TMEFF2: variants seen among roughly 807,000 people sequenced by gnomAD.
TMEFF2 encodes tomoregulin-2.
In TMEFF2, 28 loss-of-function variants were observed where a neutral mutation model predicts 53.8. The ratio of observed to expected loss-of-function variants is 0.52; its 90% confidence interval spans 0.39 to 0.71. The LOEUF (loss-of-function observed/expected upper bound fraction) is 0.71, where lower values mean the gene tolerates loss of function less well. Ranked by LOEUF, TMEFF2 falls within the 30% of genes least tolerant of loss-of-function variation. TMEFF2 has a pLI of 0.00. For synonymous variants in TMEFF2, 162 were observed against 166.3 expected (o/e 0.97, Z 0.20); for missense variants, 353 against 455.2 (o/e 0.78, Z 2.04).
intron 4 of TMEFF2, among the ~76,000 whole-genome samples, chr2:192,062,615 A>T (rs4321323): frequency 6.6e-6 from 1 of 152,072 alleles, no homozygotes; most frequent in Non-Finnish European, 1.5e-5. Context: ...TGTTTAATAT[A>T]TTTTGGGTAC....
intron 4 of TMEFF2, among the ~76,000 whole-genome samples, chr2:192,070,262 G>A (rs903804251): frequency 6.6e-5 from 10 of 151,560 alleles, no homozygotes; most frequent in African/African-American, 2.4e-4. Context: ...CATTTTAAAT[G>A]TCAAAGGATC....
At chr2:191,986,628 C>T (rs567788563) in intron 7 of TMEFF2, among the ~76,000 whole-genome samples, 140 of 148,986 alleles carry the variant, frequency 9.4e-4, no homozygotes, top group African/African-American at 3.4e-3. Flanking sequence ...GGGAGGCCAA[C>T]GTGGGCAGAT....
intron 4 of TMEFF2, among the ~76,000 whole-genome samples, chr2:192,162,929 A>G (rs1268538219): frequency 6.6e-6 from 1 of 152,208 alleles, no homozygotes; most frequent in Non-Finnish European, 1.5e-5. Flanking sequence ...CCTTATTGAT[A>G]TTCAGACATC....
chr2:192,101,077 G>A (rs755762171), intron 4 of TMEFF2, among the ~76,000 whole-genome samples: 1 of 152,058 alleles, frequency 6.6e-6, no homozygotes, highest in Non-Finnish European at 1.5e-5. Flanking sequence ...ATTGCAAACT[G>A]GATTTCCATA....
At chr2:192,041,723 A>G (rs892951890) in intron 5 of TMEFF2, among the ~76,000 whole-genome samples, 5 of 152,236 alleles carry the variant, frequency 3.3e-5, no homozygotes, top group Non-Finnish European at 7.3e-5. Flanking sequence ...ATGTTCCTCA[A>G]CTGATGAACA....
intron 4 of TMEFF2, among the ~76,000 whole-genome samples, chr2:192,130,600 C>A (rs558526178): frequency 6.6e-6 from 1 of 152,128 alleles, no homozygotes; most frequent in East Asian, 1.9e-4. Context: ...GAAGCTCCCC[C>A]ACTGAGCACC....
intron 2 of TMEFF2, 75 bp downstream of exon 2, chr2:192,191,805 G>T: frequency 9.3e-7 from 1 of 1,072,358 alleles, no homozygotes; most frequent in Non-Finnish European, 1.4e-6. Context: ...ATTTCCAAGT[G>T]ATAGGCTGTA....
chr2:192,187,098 T>A (rs1691333295), intron 2 of TMEFF2, among the ~76,000 whole-genome samples: 1 of 152,132 alleles, frequency 6.6e-6, no homozygotes, highest in Non-Finnish European at 1.5e-5. Context: ...CACTTATTAA[T>A]ATGAAGAACA....
chr2:192,194,556 G>C lies in TMEFF2; in HGVS notation c.-32C>G, dbSNP rs77458552. 2 of 1,600,648 alleles carry C rather than the reference G, an allele frequency of 1.2e-6. No individual in the cohort carries two copies. The highest frequency in any genetic ancestry group is 1.7e-6 in the Non-Finnish European group (2 of 1,171,412). On this transcript the variant is annotated 5_prime_UTR_variant, in exon 1 of 10. Coordinates refer to ENST00000272771, the MANE Select transcript of TMEFF2 (RefSeq NM_016192.4). This position sits in a 1 kb window ranked among gnomAD's most constrained non-coding sequence, Gnocchi z 4.2. Reference sequence around the variant, plus strand: ...TTCGTGCAACTCTGCAGCAGCAAACGGCTTCCGAGGAACACAGGATCGCGG... The same window carrying C: ...TTCGTGCAACTCTGCAGCAGCAAACCGCTTCCGAGGAACACAGGATCGCGG...
intron 5 of TMEFF2, chr2:192,035,209 T>C (rs1163634481): frequency 6.6e-6 from 1 of 152,146 alleles, no homozygotes; most frequent in Non-Finnish European, 1.5e-5. Context: ...CACCCAGGGA[T>C]CCTGGATGAC....
intron 4 of TMEFF2, among the ~76,000 whole-genome samples, chr2:192,093,497 A>G (rs1688837440): frequency 6.6e-6 from 1 of 152,146 alleles, no homozygotes; most frequent in Non-Finnish European, 1.5e-5. Flanking sequence ...TTATTTTTAA[A>G]ACGTAGCCAT....
intron 5 of TMEFF2, among the ~76,000 whole-genome samples, chr2:192,010,935 C>T (rs1686612052): frequency 6.6e-6 from 1 of 152,136 alleles, no homozygotes; most frequent in African/African-American, 2.4e-5. Flanking sequence ...GGATTTCCCC[C>T]TAACAGTGTC....
intron 4 of TMEFF2, among the ~76,000 whole-genome samples, chr2:192,089,797 CT>C (rs1170940168): frequency 6.6e-6 from 1 of 152,138 alleles, no homozygotes; most frequent in African/African-American, 2.4e-5. Context: ...CTTTACATAA[CT>C]TTACAGAATT....
Position 192,133,178 on chromosome 2 carries a change from G to A in TMEFF2, c.439+46490C>T, listed in dbSNP as rs11886297. ...CACCTGCCCAGTTCCCTTATTAGGC[G>A]GAGACACTTTAACTAAATTATCTGC... On this transcript the variant is annotated intron_variant, in intron 4 of 9. Transcript: ENST00000272771. Among the ~76,000 whole-genome samples, 47 of 151,352 alleles carry A rather than the reference G, an allele frequency of 3.1e-4. No individual in the cohort carries two copies. The East Asian group carries it at 4.5e-3, about 14-fold the overall frequency.
chr2:192,056,593 T>G (rs1369050025), intron 5 of TMEFF2, among the ~76,000 whole-genome samples: 1 of 152,190 alleles, frequency 6.6e-6, no homozygotes, highest in Non-Finnish European at 1.5e-5. Flanking sequence ...ATAAGTATTA[T>G]TCATTATCTG....
At chr2:191,989,773 C>T (rs1254811542) in intron 7 of TMEFF2, among the ~76,000 whole-genome samples, 1 of 152,014 alleles carries the variant, frequency 6.6e-6, no homozygotes, top group Non-Finnish European at 1.5e-5. Flanking sequence ...GTTCTTGGCC[C>T]TTGATTAAGC....
chr2:192,062,463 G>A (rs946451892), intron 4 of TMEFF2, among the ~76,000 whole-genome samples: 1 of 152,112 alleles, frequency 6.6e-6, no homozygotes, highest in African/African-American at 2.4e-5. Context: ...TATGAATAAA[G>A]CTGCTGTACA....
intron 5 of TMEFF2, among the ~76,000 whole-genome samples, chr2:192,019,425 A>G (rs1422509368): frequency 6.6e-6 from 1 of 152,000 alleles, no homozygotes; most frequent in Admixed American, 6.5e-5. Context: ...AACAATTTAA[A>G]TAACAAAAAA....
At chr2:192,070,141 G>A (rs1688262531) in intron 4 of TMEFF2, among the ~76,000 whole-genome samples, 1 of 150,602 alleles carries the variant, frequency 6.6e-6, no homozygotes, top group Non-Finnish European at 1.5e-5. Context: ...TTGTTTTTAG[G>A]ACATTATACA....
Sources: allele counts gnomAD v4.1 joint callset (sites outside exome capture counted in the v4.1 genomes callset), GRCh38; gene constraint gnomAD v4.1.1; non-coding constraint Gnocchi (gnomAD v3.1); transcripts MANE v1.5; gene names NCBI Gene and HGNC (gene_info 2026-07-23, HGNC 2026-07-21).